MYH14: variants seen among roughly 807,000 people sequenced by gnomAD.
MYH14 encodes myosin heavy chain 14.
A neutral mutation model predicts 255.5 loss-of-function variants in MYH14; 123 were observed. The observed-to-expected ratio is 0.48, with a 90% confidence interval of 0.42 to 0.56. MYH14 has a LOEUF of 0.56. Ranked by LOEUF, MYH14 falls within the 20% of genes least tolerant of loss-of-function variation. MYH14 has a pLI of 0.00. For missense variants in MYH14, 2,423 were observed against 2,802.3 expected, an observed-to-expected ratio of 0.86 and a Z score of 3.06; for synonymous variants, 1,095 against 1,161.2, an observed-to-expected ratio of 0.94 and a Z score of 1.16.
intron 1 of MYH14, among the ~76,000 whole-genome samples, chr19:50,207,944 G>A (rs2031904847): frequency 1.3e-5 from 2 of 152,144 alleles, no homozygotes; most frequent in Admixed American, 1.3e-4. Context: ...ACTGCTGTCT[G>A]GAATGATTTT....
chr19:50,295,840 C>T (rs2036246141), intron 39 of MYH14, among the ~76,000 whole-genome samples: 1 of 151,972 alleles, frequency 6.6e-6, no homozygotes, highest in East Asian at 1.9e-4. Flanking sequence ...AAGCCAGGCG[C>T]AGTGGCTCAT....
chr19:50,248,811 G>A (rs2034237907), intron 12 of MYH14, among the ~76,000 whole-genome samples, 176 bp from the exon 13 acceptor site: 1 of 152,236 alleles, frequency 6.6e-6, no homozygotes, highest in South Asian at 2.1e-4. Context: ...TGCGCAGTAG[G>A]ACTTCAGGAA....
In MYH14 at chr19:50,216,613, A is replaced by G. The variant is rs946641552; in HGVS notation, c.406-1002A>G. Among the ~76,000 whole-genome samples the G allele has an allele frequency of 8.4e-5, 12 of 142,346 alleles. No homozygotes were observed. In the South Asian group the frequency reaches 8.9e-4, roughly 11 times the overall value. The allele number at this position is 142,346 out of a possible 152,430, so 93.4% of individuals were successfully genotyped here. ...AGTAAGACCCTGTCTCAAAGAGGGG[A>G]AAAAAAAAAAAGACTAGGCATGGTC... is the stretch of plus-strand genomic sequence containing the variant. On this transcript the variant is annotated intron_variant, in intron 2 of 42. Transcript: ENST00000642316.
At chr19:50,234,326 G>A (rs1038160705) in intron 10 of MYH14, among the ~76,000 whole-genome samples, 1 of 152,188 alleles carries the variant, frequency 6.6e-6, no homozygotes, top group African/African-American at 2.4e-5. Flanking sequence ...TTGTTTGCGT[G>A]AACTATGATT....
chr19:50,232,580 C>T (rs534561498), intron 10 of MYH14, among the ~76,000 whole-genome samples: 180 of 114,474 alleles, frequency 1.6e-3, no homozygotes, highest in Non-Finnish European at 1.7e-3. Flanking sequence ...GTCAACAGAG[C>T]GAGACTCTGT....
rs755979248 is a variant in MYH14 at position 50,290,935 on chromosome 19, C to G, written c.5014C>G (p.Leu1672Val). 1 of 1,589,720 alleles carries G rather than the reference C, an allele frequency of 6.3e-7. No homozygotes were observed. The highest frequency in any genetic ancestry group is 1.1e-5 in the South Asian group (1 of 87,114). ...GGATGAGGAGCGGAAGCAGCGCACT[C>G]TGGCCGTGGCTGCCCGCAAGAAGCT... ...ERDEERKQRTLAVAARKKLEG... is the reference protein window; with the variant it reads ...ERDEERKQRTVAVAARKKLEG... Residue 1672 changes from leucine (L) to valine (V), a missense_variant, in exon 36 of 43, where the codon CTG becomes GTG. Leu to Val is a conservative substitution (Grantham distance 32). Coordinates refer to ENST00000642316, the MANE Select transcript of MYH14 (RefSeq NM_001145809.2).
rs115280112 is a variant in MYH14, at chr19:50,223,654, C to T, written c.693+305C>T. Among the ~76,000 whole-genome samples the T allele has an allele frequency of 1.7e-3, 253 of 152,288 alleles. 1 individual carries two copies. Among genetic ancestry groups the T allele is most frequent in the African/African-American group, 5.9e-3 (244 of 41,566 alleles). ...AGGTGATCATGATGCCTGGGTTTGTCGTCTAAGTGAATGTTATATGGTGCC... is the reference window on the plus strand; with the variant it reads ...AGGTGATCATGATGCCTGGGTTTGTTGTCTAAGTGAATGTTATATGGTGCC... On this transcript the variant is annotated intron_variant, in intron 5 of 42. Transcript: ENST00000642316.
intron 7 of MYH14, 67 bp from the exon 8 acceptor site, chr19:50,226,836 C>T: frequency 6.7e-7 from 1 of 1,493,960 alleles, no homozygotes; most frequent in Admixed American, 1.7e-5. Flanking sequence ...GGGGTTTGGG[C>T]TGTTGTTCAC....
At chr19:50,262,996 T>C (rs1452020640) in intron 21 of MYH14, among the ~76,000 whole-genome samples, 1 of 151,704 alleles carries the variant, frequency 6.6e-6, no homozygotes, top group Non-Finnish European at 1.5e-5. Context: ...GGTGGGGAGT[T>C]GGAGAGCAGC....
intron 20 of MYH14, 38 bp from the exon 21 acceptor site, chr19:50,261,436 AC>A (rs2034869064): frequency 1.5e-6 from 1 of 687,800 alleles, no homozygotes; most frequent in Non-Finnish European, 1.7e-6. Context: ...CTCCCCCATC[AC>A]CCCCTCTCCG....
intron 23 of MYH14, among the ~76,000 whole-genome samples, chr19:50,267,939 G>A (rs1213324015): frequency 6.6e-6 from 1 of 152,054 alleles, no homozygotes; most frequent in Non-Finnish European, 1.5e-5. Context: ...TGAGAGGTGA[G>A]GGAGGGCATC....
intron 27 of MYH14, among the ~76,000 whole-genome samples, chr19:50,274,060 A>C (rs1174847704): frequency 2.0e-5 from 3 of 152,154 alleles, no homozygotes; most frequent in African/African-American, 7.2e-5. Flanking sequence ...AATTGTAGAC[A>C]GTACTCCTAA....
intron 40 of MYH14, among the ~76,000 whole-genome samples, chr19:50,305,221 T>G: frequency 6.7e-6 from 1 of 148,352 alleles, no homozygotes; most frequent in Admixed American, 6.7e-5. Context: ...TTGGAAGGAG[T>G]CTGGAATGAT....
chr19:50,277,987 A>T, intron 29 of MYH14, 96 bp from the exon 30 acceptor site: 1 of 887,806 alleles, frequency 1.1e-6, no homozygotes, highest in Non-Finnish European at 1.6e-6. Flanking sequence ...TTCCAGGCAG[A>T]GGGAACAGCC....
At position 50,222,891 on chromosome 19, in the gene MYH14, C is replaced by T. The variant is rs10416147; in HGVS notation, c.563-192C>T. On this transcript the variant is annotated intron_variant, in intron 3 of 42. Transcript: ENST00000642316. ...AGGCTCAGAGAGGGACAGCTGCTTT[C>T]CCAGGGTCACACAGCGAGCAGGGGG... Among the ~76,000 whole-genome samples the T allele has an allele frequency of 0.021, 3,264 of 152,276 alleles. 98 individuals carry two copies. The highest frequency in any genetic ancestry group is 0.074 in the African/African-American group (3,094 of 41,542).
chr19:50,291,513 C>T (rs182730159), intron 36 of MYH14, among the ~76,000 whole-genome samples: 5 of 152,240 alleles, frequency 3.3e-5, no homozygotes, highest in African/African-American at 1.2e-4. Flanking sequence ...TGGTCTCGAT[C>T]TCTTGGCCTC....
At chr19:50,227,125 T>C (rs2033147856) in intron 8 of MYH14, among the ~76,000 whole-genome samples, 159 bp downstream of exon 8, 1 of 152,126 alleles carries the variant, frequency 6.6e-6, no homozygotes, top group Middle Eastern at 3.4e-3. Context: ...AGGGTGGGAC[T>C]TCTGGTGTGT....
chr19:50,231,582 A>T (rs2033388842), intron 9 of MYH14, among the ~76,000 whole-genome samples: 1 of 151,900 alleles, frequency 6.6e-6, no homozygotes, highest in Non-Finnish European at 1.5e-5. Context: ...GCATGGTGGC[A>T]CACAGCTGTA....
At chr19:50,224,203 T>G in intron 6 of MYH14, 26 bp downstream of exon 6, 3 of 1,613,738 alleles carry the variant, frequency 1.9e-6, no homozygotes, top group Non-Finnish European at 2.5e-6. Context: ...TCACCTCGAG[T>G]CTTGCTGCCC....
Sources: gnomAD v4.1 joint callset for allele counts (sites outside exome capture counted in the v4.1 genomes callset) on GRCh38, gnomAD v4.1.1 for gene constraint, MANE v1.5 for transcripts, NCBI Gene and HGNC (gene_info 2026-07-23, HGNC 2026-07-21) for gene names.